The following PLCH1 variants were observed in gnomAD, a reference collection of about 807,000 sequenced individuals.
PLCH1 encodes the protein phospholipase C eta 1.
In PLCH1, 60 loss-of-function variants were observed where a neutral mutation model predicts 126.7. That is an observed-to-expected ratio of 0.47 (90% CI 0.38 to 0.59). The LOEUF is 0.59. Among genes scored for constraint, PLCH1 ranks in the 20% least tolerant of loss-of-function variants. The pLI, the probability that PLCH1 is intolerant of heterozygous loss-of-function variation, is 0.00. For missense variants in PLCH1, 1,723 were observed against 2,040.0 expected (o/e 0.84, Z 2.99); for synonymous variants, 719 against 734.9 (o/e 0.98, Z 0.35).
intron 10 of PLCH1, among the ~76,000 whole-genome samples, chr3:155,543,691 C>T (rs939767713): frequency 5.9e-5 from 9 of 151,806 alleles, no homozygotes; most frequent in South Asian, 2.1e-4. Context: ...GCGGATCTCT[C>T]GGCAGAAACT....
Position 155,485,598 on chromosome 3 carries a change from C to T in PLCH1, c.2732G>A (p.Arg911Gln), listed in dbSNP as rs759502342. Residue 911 changes from arginine (R) to glutamine (Q), a missense_variant, in exon 22 of 23, where the codon CGA becomes CAA. Coordinates refer to ENST00000460012, the MANE Select transcript of PLCH1 (RefSeq NM_014996.4). ...RKRSIGDRIL[R>Q]RTASAPAKGR... ...TTTGGCTGGGGCGCTAGCTGTGCGT[C>T]GCAGAATTCTATCTCCAATGGATCG... The T allele has an allele frequency of 3.5e-5, 57 of 1,613,742 alleles. No individual in the cohort carries two copies. The highest frequency in any genetic ancestry group is 2.5e-4 in the Admixed American group (15 of 60,000).
At chr3:155,659,909 C>G (rs1402955766) in intron 2 of PLCH1, among the ~76,000 whole-genome samples, 1 of 152,140 alleles carries the variant, frequency 6.6e-6, no homozygotes. Flanking sequence ...ATTGGGATTA[C>G]AAGCATAAGC....
chr3:155,551,684 C>CAAAAAAAAAAAAAAAA (rs35872401), intron 9 of PLCH1, among the ~76,000 whole-genome samples: 1 of 87,010 alleles, frequency 1.1e-5, no homozygotes. Flanking sequence ...AGCTCTCTAC[C>CAAAAAAAAAAAAAAAA]AAAAAAAAAA....
At chr3:155,572,531 G>A (rs1285892112) in intron 6 of PLCH1, among the ~76,000 whole-genome samples, 1 of 152,118 alleles carries the variant, frequency 6.6e-6, no homozygotes, top group Non-Finnish European at 1.5e-5. Flanking sequence ...TCTTTATACT[G>A]AGGTTGGCCC....
intron 4 of PLCH1, among the ~76,000 whole-genome samples, chr3:155,590,205 T>C (rs1037432350): frequency 6.6e-6 from 1 of 152,234 alleles, no homozygotes; most frequent in African/African-American, 2.4e-5. Context: ...AAGTGAAATC[T>C]AATAATGAAC....
chr3:155,634,307 G>C (rs889580947), intron 2 of PLCH1, among the ~76,000 whole-genome samples: 3 of 152,150 alleles, frequency 2.0e-5, no homozygotes, highest in African/African-American at 7.2e-5. Context: ...CCTTAGAAAA[G>C]GTTCAGACTG....
chr3:155,549,387 A>G (rs1239469104), intron 10 of PLCH1, among the ~76,000 whole-genome samples: 1 of 152,016 alleles, frequency 6.6e-6, no homozygotes, highest in African/African-American at 2.4e-5. Flanking sequence ...GGTTTTTTTG[A>G]CAGACAGTTA....
intron 2 of PLCH1, among the ~76,000 whole-genome samples, chr3:155,620,695 C>A (rs908910986): frequency 2.6e-5 from 4 of 152,176 alleles, no homozygotes; most frequent in Non-Finnish European, 5.9e-5. Context: ...CCACTGCGGC[C>A]AGACTGCCTC....
At chr3:155,677,530 T>C (rs1744186178) in intron 2 of PLCH1, among the ~76,000 whole-genome samples, 1 of 152,232 alleles carries the variant, frequency 6.6e-6, no homozygotes, top group Non-Finnish European at 1.5e-5. Flanking sequence ...GGAGCCTATC[T>C]GCCTAGGTTC....
Position 155,480,932 on chromosome 3 carries a change from T to C in PLCH1, c.*36A>G, listed in dbSNP as rs1713908244. The C allele has an allele frequency of 1.4e-6, 2 of 1,474,766 alleles. No homozygotes were observed. The highest frequency in any genetic ancestry group is 1.8e-6 in the Non-Finnish European group (2 of 1,093,934). The allele number at this position is 1,474,766 out of a possible 1,614,324, so 91.4% of individuals were successfully genotyped here. On this transcript the variant is annotated 3_prime_UTR_variant, in exon 23 of 23. Transcript: ENST00000460012. ...CTGAAAACTCTGACATTCTACAGAA[T>C]ACCTTGAAAACCTTAAGAATGCAGT... is the stretch of plus-strand genomic sequence containing the variant.
chr3:155,741,684 C>CTTTTATTTTTTATTT, intron 1 of PLCH1, among the ~76,000 whole-genome samples: 7 of 102,868 alleles, frequency 6.8e-5, no homozygotes, highest in Admixed American at 5.8e-4. Flanking sequence ...TTTATATCCT[C>CTTTTATTTTTTATTT]TTTTTTTTTT....
intron 2 of PLCH1, among the ~76,000 whole-genome samples, chr3:155,668,438 G>A (rs990905378): frequency 6.6e-6 from 1 of 152,156 alleles, no homozygotes; most frequent in Non-Finnish European, 1.5e-5. Context: ...TCGTGGGCAT[G>A]CATGGGGTTT....
intron 1 of PLCH1, among the ~76,000 whole-genome samples, chr3:155,719,957 G>A (rs192800293): frequency 1.7e-4 from 26 of 151,986 alleles, no homozygotes; most frequent in East Asian, 7.7e-4. Context: ...CACCATGCCC[G>A]GCTAATTTTT....
intron 14 of PLCH1, among the ~76,000 whole-genome samples, chr3:155,497,670 G>T (rs933528917): frequency 1.3e-5 from 2 of 152,054 alleles, no homozygotes; most frequent in African/African-American, 4.8e-5. Context: ...GTTAACCATG[G>T]TCTAAAAATA....
At chr3:155,699,822 TCACACACACA>T (rs59082626) in intron 2 of PLCH1, among the ~76,000 whole-genome samples, 5 of 147,680 alleles carry the variant, frequency 3.4e-5, no homozygotes, top group Non-Finnish European at 7.4e-5. Context: ...CTGTGACCAT[TCACACACACA>T]CACACACACA....
At chr3:155,523,323 G>A (rs1428226968) in intron 11 of PLCH1, among the ~76,000 whole-genome samples, 1 of 152,164 alleles carries the variant, frequency 6.6e-6, no homozygotes, top group Non-Finnish European at 1.5e-5. Context: ...AGAAAAGGGG[G>A]CTGACACACC....
chr3:155,727,792 A>C (rs1748454457), intron 1 of PLCH1, among the ~76,000 whole-genome samples: 1 of 152,218 alleles, frequency 6.6e-6, no homozygotes, highest in South Asian at 2.1e-4. Flanking sequence ...GTTTACAATC[A>C]CAAATTCTCA....
intron 21 of PLCH1, among the ~76,000 whole-genome samples, chr3:155,466,497 A>G (rs1712937052): frequency 6.6e-6 from 1 of 152,214 alleles, no homozygotes; most frequent in Admixed American, 6.5e-5. Context: ...TCAAATACCT[A>G]GAAAACCTTT....
chr3:155,708,631 A>T (rs1238131715), intron 1 of PLCH1, among the ~76,000 whole-genome samples: 1 of 152,184 alleles, frequency 6.6e-6, no homozygotes, highest in Non-Finnish European at 1.5e-5. Flanking sequence ...GACAATTTAT[A>T]TTACATTAGA....
Sources: allele counts gnomAD v4.1 joint callset (sites outside exome capture counted in the v4.1 genomes callset), GRCh38; gene constraint gnomAD v4.1.1; transcripts MANE v1.5; gene names NCBI Gene and HGNC (gene_info 2026-07-23, HGNC 2026-07-21).